PLEKHF2: variants seen among roughly 807,000 people sequenced by gnomAD.
PLEKHF2 encodes the protein pleckstrin homology domain-containing family F member 2.
Under a neutral mutation model 14.7 loss-of-function variants are expected in PLEKHF2, and 4 were observed. The ratio of observed to expected loss-of-function variants is 0.27; its 90% CI spans 0.13 to 0.62. The LOEUF (loss-of-function observed/expected upper bound fraction) is 0.62, where lower values mean the gene tolerates loss of function less well. Ranked by LOEUF, PLEKHF2 falls within the 20% of genes least tolerant of loss-of-function variation. The pLI is 0.85. For synonymous variants in PLEKHF2, 90 were observed against 103.5 expected, an observed-to-expected ratio of 0.87 and a Z score of 0.79; for missense variants, 201 against 307.7, an observed-to-expected ratio of 0.65 and a Z score of 2.60.
At chr8:95,151,901 C>T (rs979213903) in intron 1 of PLEKHF2, among the ~76,000 whole-genome samples, 1 of 151,942 alleles carries the variant, frequency 6.6e-6, no homozygotes, top group Non-Finnish European at 1.5e-5. Context: ...TGTGTGTGTG[C>T]TTACAGATAC....
intron 1 of PLEKHF2, among the ~76,000 whole-genome samples, chr8:95,141,265 A>G (rs978137874): frequency 2.0e-5 from 3 of 152,104 alleles, no homozygotes; most frequent in Admixed American, 6.5e-5. Context: ...TTATTTTCCT[A>G]TTGTAAGCTT....
Position 95,155,774 on chromosome 8 carries a change from G to A in PLEKHF2, c.*980G>A, listed in dbSNP as rs2132112777. The A allele has an allele frequency of 6.0e-6, 1 of 166,996 alleles. No homozygotes were observed. The highest frequency in any genetic ancestry group is 2.1e-4 in the South Asian group (1 of 4,834). 10.3% of individuals were successfully genotyped at this position (166,996 alleles called of 1,614,324 possible). On this transcript the variant is annotated 3_prime_UTR_variant, in exon 2 of 2. Coordinates refer to ENST00000315367, the MANE Select transcript of PLEKHF2 (RefSeq NM_024613.4). ...GAGCACAGATTTACCTAGGCTTGAA[G>A]ATTTGGAAGAAATAATATGTAAGAA...
intron 1 of PLEKHF2, among the ~76,000 whole-genome samples, chr8:95,152,670 A>G (rs943499894): frequency 5.9e-5 from 9 of 152,104 alleles, no homozygotes; most frequent in African/African-American, 2.2e-4. Context: ...CTTGGGAACA[A>G]CTTTTAGGCC....
intron 1 of PLEKHF2, among the ~76,000 whole-genome samples, chr8:95,149,449 A>C (rs1810535068): frequency 6.6e-6 from 1 of 152,200 alleles, no homozygotes; most frequent in African/African-American, 2.4e-5. Context: ...GCATCTATAG[A>C]GTGCTCAGTG....
chr8:95,153,969 A>G (rs1049118542), intron 1 of PLEKHF2, 62 bp from the exon 2 acceptor site: 9 of 1,224,054 alleles, frequency 7.4e-6, no homozygotes, highest in Middle Eastern at 2.5e-4. Context: ...TAATTTATAT[A>G]TAATTAACTT....
At position 95,154,913 on chromosome 8, in the gene PLEKHF2, T is replaced by C. The variant is rs1810600234; in HGVS notation, c.*119T>C. The C allele has an allele frequency of 1.6e-6, 2 of 1,223,164 alleles. No individual in the cohort carries two copies. Among genetic ancestry groups the C allele is most frequent in the Admixed American group, 4.7e-5 (2 of 42,378 alleles). The allele number at this position is 1,223,164 out of a possible 1,614,324, so 75.8% of individuals were successfully genotyped here. A position where few individuals can be genotyped will look rare whatever the true frequency, so the allele number is the denominator to read the frequency against. On this transcript the variant is annotated 3_prime_UTR_variant, in exon 2 of 2. Coordinates refer to ENST00000315367, the MANE Select transcript of PLEKHF2 (RefSeq NM_024613.4). The surrounding 1 kb of genome is among the most constrained non-coding windows in gnomAD (Gnocchi z 5.6). ...TAGCCATGAATTTGCCTGAGAAACT[T>C]GTAACCTATGTGCCTCAATATATTC...
At chr8:95,143,492 A>C (rs1810459298) in intron 1 of PLEKHF2, among the ~76,000 whole-genome samples, 1 of 152,200 alleles carries the variant, frequency 6.6e-6, no homozygotes, top group South Asian at 2.1e-4. Context: ...AGTGCTATAA[A>C]GTGGTGCAAA....
At chr8:95,144,921 A>T (rs1321761509) in intron 1 of PLEKHF2, among the ~76,000 whole-genome samples, 1 of 151,402 alleles carries the variant, frequency 6.6e-6, no homozygotes, top group African/African-American at 2.4e-5. Flanking sequence ...AGGCCGTTTG[A>T]TAATTGCTTA....
chr8:95,154,017 CT>C lies in PLEKHF2; in HGVS notation c.-14-6del, dbSNP rs772371472. 8.1e-6 allele frequency: 12 copies of C among 1,479,744 alleles called. No homozygotes were observed. Among genetic ancestry groups the C allele is most frequent in the African/African-American group, 4.2e-5 (3 of 70,766 alleles). 91.7% of individuals were successfully genotyped at this position (1,479,744 alleles called of 1,614,324 possible). ...AATTTATATGTGCTAATTTCTTTTT[CT>C]TTTTTTTAAAAGGCTATTAGTGAAA... On this transcript the variant is annotated splice_polypyrimidine_tract_variant and intron_variant, in intron 1 of 1. Transcript: ENST00000315367. This position sits in a 1 kb window ranked among gnomAD's most constrained non-coding sequence, Gnocchi z 5.6.
At chr8:95,135,602 C>A (rs1260003687) in intron 1 of PLEKHF2, among the ~76,000 whole-genome samples, 2 of 152,146 alleles carry the variant, frequency 1.3e-5, no homozygotes, top group Non-Finnish European at 2.9e-5. Context: ...AAGGTTTTGC[C>A]ATGTTGCTCA....
chr8:95,152,351 A>G (rs1810572574), intron 1 of PLEKHF2, among the ~76,000 whole-genome samples: 1 of 152,098 alleles, frequency 6.6e-6, no homozygotes, highest in African/African-American at 2.4e-5. Context: ...AGTGAAATTT[A>G]TTTAATTAGA....
chr8:95,155,401 A>G lies in PLEKHF2; in HGVS notation c.*607A>G, dbSNP rs1810606832. The G allele has an allele frequency of 6.0e-6, 1 of 167,094 alleles. No individual in the cohort carries two copies. The highest frequency in any genetic ancestry group is 1.5e-5 in the Non-Finnish European group (1 of 68,150). 10.4% of individuals were successfully genotyped at this position (167,094 alleles called of 1,614,324 possible). A position where few individuals can be genotyped will look rare whatever the true frequency, so the allele number is the denominator to read the frequency against. ...AAATGAGTGTTTATGAATGGGTGTA[A>G]TTAGGAAATACTTCTCATCTGACAG... is the stretch of plus-strand genomic sequence containing the variant. On this transcript the variant is annotated 3_prime_UTR_variant, in exon 2 of 2. Transcript: ENST00000315367.
At chr8:95,144,989 G>A (rs1291540061) in intron 1 of PLEKHF2, among the ~76,000 whole-genome samples, 1 of 151,656 alleles carries the variant, frequency 6.6e-6, no homozygotes, top group African/African-American at 2.4e-5. Flanking sequence ...TAACAAAATC[G>A]AGATTATTAA....
rs558782274 is a variant in PLEKHF2, at chr8:95,152,082, C to G, written c.-14-1949C>G. On this transcript the variant is annotated intron_variant, in intron 1 of 1. Transcript: ENST00000315367. ...TAAATATGTCTTAAAATCTATAGCA[C>G]CTTAGATGTGATGAAATGTGGTATT... is the stretch of plus-strand genomic sequence containing the variant. Among the ~76,000 whole-genome samples, 10 of 152,080 alleles carry G rather than the reference C, an allele frequency of 6.6e-5. No homozygotes were observed. The South Asian group carries it at 1.5e-3, about 22-fold the overall frequency.
rs1007223173 is a variant in PLEKHF2 at position 95,155,019 on chromosome 8, A to T, written c.*225A>T. The T allele has an allele frequency of 6.0e-6, 3 of 500,310 alleles. No individual in the cohort carries two copies. Among genetic ancestry groups the T allele is most frequent in the Non-Finnish European group, 1.1e-5 (3 of 280,304 alleles). 31.0% of individuals were successfully genotyped at this position (500,310 alleles called of 1,614,324 possible). A position where few individuals can be genotyped will look rare whatever the true frequency, so the allele number is the denominator to read the frequency against. On this transcript the variant is annotated 3_prime_UTR_variant, in exon 2 of 2. Transcript: ENST00000315367. Reference sequence around the variant, plus strand: ...AGGCTTTTGCAAATATATCAGATAAATTTTTTGTTTCTTGTTTATTTTTAG... The same window carrying T: ...AGGCTTTTGCAAATATATCAGATAATTTTTTTGTTTCTTGTTTATTTTTAG...
chr8:95,138,706 A>G (rs1022874034), intron 1 of PLEKHF2, among the ~76,000 whole-genome samples: 3 of 152,180 alleles, frequency 2.0e-5, no homozygotes, highest in Non-Finnish European at 4.4e-5. Context: ...TGTGCTATTT[A>G]GAAACTTTTA....
intron 1 of PLEKHF2, among the ~76,000 whole-genome samples, chr8:95,153,158 G>C (rs993893800): frequency 6.6e-6 from 1 of 152,032 alleles, no homozygotes. Flanking sequence ...TCAGTCCTTT[G>C]GTAAAAGTGA....
Position 95,155,060 on chromosome 8 carries a change from G to T in PLEKHF2, c.*266G>T. On this transcript the variant is annotated 3_prime_UTR_variant, in exon 2 of 2. Coordinates refer to ENST00000315367, the MANE Select transcript of PLEKHF2 (RefSeq NM_024613.4). ...TTATTTTTAGGTTATTTTCTTGGAA[G>T]GTTGGGAAAAGATGTTTGTTTTAAC... The T allele has an allele frequency of 2.4e-6, 1 of 416,244 alleles. No individual in the cohort carries two copies. The highest frequency in any genetic ancestry group is 4.5e-6 in the Non-Finnish European group (1 of 224,408). The allele number at this position is 416,244 out of a possible 1,614,324, so 25.8% of individuals were successfully genotyped here.
At chr8:95,135,290 A>T (rs139887866) in intron 1 of PLEKHF2, among the ~76,000 whole-genome samples, 2 of 152,340 alleles carry the variant, frequency 1.3e-5, no homozygotes, top group East Asian at 3.9e-4. Flanking sequence ...AAACACAAAT[A>T]CAGTAAGCCC....
Sources: gnomAD v4.1 joint callset for allele counts (sites outside exome capture counted in the v4.1 genomes callset) on GRCh38, gnomAD v4.1.1 for gene constraint, Gnocchi (gnomAD v3.1) non-coding constraint, MANE v1.5 for transcripts, NCBI Gene and HGNC (gene_info 2026-07-23, HGNC 2026-07-21) for gene names.